Variants in HRC observed in about 807,000 individuals in gnomAD.
The protein encoded by HRC is sarcoplasmic reticulum histidine-rich calcium-binding protein.
A neutral mutation model predicts 61.4 loss-of-function variants in HRC; 41 were observed. That is an observed-to-expected ratio of 0.67 (90% CI 0.52 to 0.87). The LOEUF is 0.87. Ranked by LOEUF, HRC falls within the 40% of genes least tolerant of loss-of-function variation. The pLI, the probability that HRC is intolerant of heterozygous loss-of-function variation, is 0.00. For synonymous variants in HRC, 308 were observed against 326.6 expected (o/e 0.94, Z 0.62); for missense variants, 839 against 885.8 (o/e 0.95, Z 0.67).
At chr19:49,152,279 G>T in intron 3 of HRC, 31 bp downstream of exon 3, 1 of 1,592,340 alleles carries the variant, frequency 6.3e-7, no homozygotes, top group Non-Finnish European at 8.6e-7. Context: ...CTGAGGCCCA[G>T]TGGAGCCTTG....
Position 49,154,815 on chromosome 19 carries a change from G to T in HRC, c.423C>A (p.Asp141Glu). 1 of 1,613,106 alleles carries T rather than the reference G, an allele frequency of 6.2e-7. No individual in the cohort carries two copies. The highest frequency in any genetic ancestry group is 8.5e-7 in the Non-Finnish European group (1 of 1,179,730). Residue 141 changes from aspartate (D) to glutamate (E), a missense_variant, in exon 1 of 6, where the codon GAC becomes GAA. Physicochemically the swap from Asp to Glu is conservative, Grantham distance 45. Transcript: ENST00000252825. The stretch of plus-strand genomic sequence containing the variant: ...GCCTGTGCTCAGCTGAGTCTTCCGT[G>T]TCTTCACTCCCGTGGCCTCTGTGCC... ...ARGHRGHGSE[D>E]TEDSAEHRHH...
chr19:49,154,494 A>ATCG lies in HRC; in HGVS notation c.741_743dup (p.Asp261dup), dbSNP rs771935365. The ATCG allele has an allele frequency of 2.7e-6, 4 of 1,487,340 alleles. No individual in the cohort carries two copies. Among genetic ancestry groups the ATCG allele is most frequent in the Non-Finnish European group, 3.6e-6 (4 of 1,098,226 alleles). The allele number at this position is 1,487,340 out of a possible 1,614,324, so 92.1% of individuals were successfully genotyped here. A position where few individuals can be genotyped will look rare whatever the true frequency, so the allele number is the denominator to read the frequency against. ...CATCATCATCATCATCATCATCATC[A>ATCG]TCGTCATCTTCTTCATGGCCTTGGT... On this transcript the variant is annotated inframe_insertion, in exon 1 of 6. Transcript: ENST00000252825.
chr19:49,153,434 T>G lies in HRC; in HGVS notation c.1804A>C (p.Ser602Arg), dbSNP rs766002982. 1 of 1,608,518 alleles carries G rather than the reference T, an allele frequency of 6.2e-7. No individual in the cohort carries two copies. The highest frequency in any genetic ancestry group is 1.1e-5 in the South Asian group (1 of 90,594). The stretch of plus-strand genomic sequence containing the variant: ...GTGTCCTCACCGCTTTCCTCCTCGC[T>G]GGAGGCACCTCCAGCCTCCTCTCTC... ...DRREEAGGAS[S>R]EEESGEDTGP... Residue 602 changes from serine (S) to arginine (R), a missense_variant, in exon 1 of 6, where the codon AGC becomes CGC. Ser to Arg is a moderately radical substitution (Grantham distance 110, BLOSUM62 -1). Coordinates refer to ENST00000252825, the MANE Select transcript of HRC (RefSeq NM_002152.3). The surrounding 1 kb of genome is among the most constrained non-coding windows in gnomAD (Gnocchi z 4.8).
rs766186585 is a variant in HRC, at chr19:49,151,265, G to A, written c.*31C>T. On this transcript the variant is annotated 3_prime_UTR_variant, in exon 6 of 6. Coordinates refer to ENST00000252825, the MANE Select transcript of HRC (RefSeq NM_002152.3). ...GGAAAGGGGTTGGAAGGCAGGGGGA[G>A]GTACACCTGCGTCGCAGTCGAGCGA... 4 of 1,531,450 alleles carry A rather than the reference G, an allele frequency of 2.6e-6. No homozygotes were observed. Among genetic ancestry groups the A allele is most frequent in the Non-Finnish European group, 3.5e-6 (4 of 1,132,712 alleles). 94.9% of individuals were successfully genotyped at this position (1,531,450 alleles called of 1,614,324 possible). A position where few individuals can be genotyped will look rare whatever the true frequency, so the allele number is the denominator to read the frequency against.
At chr19:49,151,698 CT>C in intron 4 of HRC, 145 bp from the exon 5 acceptor site, 3 of 761,734 alleles carry the variant, frequency 3.9e-6, no homozygotes, top group South Asian at 1.8e-5. Context: ...TACCGGACCC[CT>C]TTTTCGTTCT....
At chr19:49,152,486 T>G (rs2041371274) in intron 2 of HRC, 108 bp from the exon 3 acceptor site, 4 of 808,916 alleles carry the variant, frequency 4.9e-6, no homozygotes, top group Non-Finnish European at 7.9e-6. Context: ...TCTACCCTCT[T>G]TATCTCTAAC....
chr19:49,154,649 C>T lies in HRC; in HGVS notation c.589G>A (p.Glu197Lys). ...GEDDEGEEEE[E>K]EEEEEEEAST... ...GCCTCCTCTTCCTCCTCCTCCTCCT[C>T]CTCCTCCTCTTCTCCTTCATCATCT... Residue 197 changes from glutamate to lysine, a missense_variant, in exon 1 of 6, where the codon GAG becomes AAG. By Grantham distance (56) the Glu-to-Lys change is moderately conservative. Coordinates refer to ENST00000252825, the MANE Select transcript of HRC (RefSeq NM_002152.3). The T allele has an allele frequency of 6.2e-7, 1 of 1,604,356 alleles. No homozygotes were observed. Among genetic ancestry groups the T allele is most frequent in the African/African-American group, 1.3e-5 (1 of 74,880 alleles).
chr19:49,154,878 A>T lies in HRC; in HGVS notation c.360T>A (p.Gly120=), dbSNP rs146528509. 4.3e-6 allele frequency: 7 copies of T among 1,613,456 alleles called. No individual in the cohort carries two copies. In the African/African-American group the frequency reaches 8.0e-5, roughly 18 times the overall value. Residue 120 remains glycine, a synonymous_variant, in exon 1 of 6, where the codon GGT becomes GGA. Coordinates refer to ENST00000252825, the MANE Select transcript of HRC (RefSeq NM_002152.3). ...DHKVGDEGVS[G]EEVFAEHGGQ... ...CACCATGCTCTGCAAAGACCTCCTC[A>T]CCTGAGACACCCTCATCTCCGACTT...
chr19:49,151,877 C>T (rs1362020109), intron 4 of HRC, 127 bp downstream of exon 4: 27 of 930,538 alleles, frequency 2.9e-5, no homozygotes, highest in Non-Finnish European at 4.6e-5. Flanking sequence ...TGCTCAGAGC[C>T]TTGGCCACGC....
intron 3 of HRC, 50 bp downstream of exon 3, chr19:49,152,260 C>T (rs1433658845): frequency 3.3e-6 from 5 of 1,533,620 alleles, no homozygotes; most frequent in African/African-American, 1.4e-5. Flanking sequence ...CAGAGGGTCC[C>T]GGTGCATCCT....
chr19:49,154,938 C>A lies in HRC; in HGVS notation c.300G>T (p.Gly100=), dbSNP rs771828053. Residue 100 remains glycine (G), a synonymous_variant, in exon 1 of 6, where the codon GGG becomes GGT. Coordinates refer to ENST00000252825, the MANE Select transcript of HRC (RefSeq NM_002152.3). ...GGGACCTGTGGCCTGGGAGTAGGTGCCCATATTCCTTGGAGACATCTTCAT... is the reference window on the plus strand; with the variant it reads ...GGGACCTGTGGCCTGGGAGTAGGTGACCATATTCCTTGGAGACATCTTCAT... ...KEDEDVSKEY[G]HLLPGHRSQD... 6.2e-7 allele frequency: 1 copy of A among 1,614,026 alleles called. No individual in the cohort carries two copies.
chr19:49,152,184 T>A, intron 3 of HRC, 126 bp from the exon 4 acceptor site: 1 of 1,264,024 alleles, frequency 7.9e-7, no homozygotes, highest in Non-Finnish European at 1.2e-6. Context: ...GGATCGCTTG[T>A]GGAGTCAAGG....
At chr19:49,152,412 T>A in intron 2 of HRC, 34 bp from the exon 3 acceptor site, 1 of 1,596,026 alleles carries the variant, frequency 6.3e-7, no homozygotes, top group Non-Finnish European at 8.6e-7. Flanking sequence ...AGATGGAAAC[T>A]CTAACGCCAC....
chr19:49,153,683 C>G lies in HRC; in HGVS notation c.1555G>C (p.Glu519Gln), dbSNP rs1468149894. 6.2e-7 allele frequency: 1 copy of G among 1,612,298 alleles called. No individual in the cohort carries two copies. Among genetic ancestry groups the G allele is most frequent in the Non-Finnish European group, 8.5e-7 (1 of 1,178,838 alleles). The change falls in exon 1 of 6, where the codon GAG becomes CAG. Residue 519 changes from glutamate (E) to glutamine (Q), a missense_variant. Transcript: ENST00000252825. This position sits in a 1 kb window ranked among gnomAD's most constrained non-coding sequence, Gnocchi z 4.8. ...THHGSRDQED[E>Q]EDEEEGHGLS... The stretch of plus-strand genomic sequence containing the variant: ...CCATGACCTTCCTCCTCATCCTCCT[C>G]ATCTTCCTGGTCCCGGCTGCCATGA...
chr19:49,153,724 C>T lies in HRC; in HGVS notation c.1514G>A (p.Gly505Glu). 6.2e-7 allele frequency: 1 copy of T among 1,614,142 alleles called. No individual in the cohort carries two copies. The highest frequency in any genetic ancestry group is 8.5e-7 in the Non-Finnish European group (1 of 1,180,026). The change falls in exon 1 of 6, where the codon GGA (glycine) becomes GAA (glutamate). Residue 505 changes from glycine to glutamate, a missense_variant. Gly to Glu is a moderately conservative substitution (Grantham distance 98). Coordinates refer to ENST00000252825, the MANE Select transcript of HRC (RefSeq NM_002152.3). This position sits in a 1 kb window ranked among gnomAD's most constrained non-coding sequence, Gnocchi z 4.8. The stretch of plus-strand genomic sequence containing the variant: ...GCTGCCATGATGGGTGCCTTTCTCT[C>T]CCTGCTCTGAACTTTCATCGTCTTC... ...HEEDDESSEQGEKGTHHGSRD... is the reference protein window; with the variant it reads ...HEEDDESSEQEEKGTHHGSRD...
rs1392857704 is a variant in HRC, at chr19:49,155,355, C to T, written c.-118G>A. On this transcript the variant is annotated 5_prime_UTR_variant, in exon 1 of 6. Coordinates refer to ENST00000252825, the MANE Select transcript of HRC (RefSeq NM_002152.3). The surrounding 1 kb of genome is among the most constrained non-coding windows in gnomAD (Gnocchi z 4.7). ...TCTCTGTGTCTCTCCTTTGTCCTTTCGGTCTCTGTCCACCTTCCTCTGGTC... is the reference window on the plus strand; with the variant it reads ...TCTCTGTGTCTCTCCTTTGTCCTTTTGGTCTCTGTCCACCTTCCTCTGGTC... 24 of 1,363,918 alleles carry T rather than the reference C, an allele frequency of 1.8e-5. No individual in the cohort carries two copies. Among genetic ancestry groups the T allele is most frequent in the South Asian group, 9.2e-5 (6 of 64,868 alleles). 84.5% of individuals were successfully genotyped at this position (1,363,918 alleles called of 1,614,324 possible).
At chr19:49,152,117 G>T (rs1009786305) in intron 3 of HRC, 59 bp from the exon 4 acceptor site, 2 of 1,504,452 alleles carry the variant, frequency 1.3e-6, no homozygotes, top group African/African-American at 1.4e-5. Context: ...GCGGAGTTAG[G>T]ATGGGGCCGG....
At chr19:49,152,490 C>T (rs1017186955) in intron 2 of HRC, 112 bp from the exon 3 acceptor site, 37 of 757,498 alleles carry the variant, frequency 4.9e-5, no homozygotes, top group African/African-American at 7.0e-5. Context: ...CCCTCTTTAT[C>T]TCTAACACTG....
At position 49,154,862 on chromosome 19, in the gene HRC, C is replaced by T. The variant is rs374745031; in HGVS notation, c.376G>A (p.Glu126Lys). Reference protein sequence around the residue: ...EGVSGEEVFAEHGGQARGHRG... With the variant: ...EGVSGEEVFAKHGGQARGHRG... Reference sequence around the variant, plus strand: ...TGCCCACGGGCCTGCCCACCATGCTCTGCAAAGACCTCCTCACCTGAGACA... The same window carrying T: ...TGCCCACGGGCCTGCCCACCATGCTTTGCAAAGACCTCCTCACCTGAGACA... The change falls in exon 1 of 6, where the codon GAG (glutamate) becomes AAG (lysine). Residue 126 changes from glutamate to lysine, a missense_variant. Physicochemically the swap from Glu to Lys is moderately conservative, Grantham distance 56 (BLOSUM62 1). Coordinates refer to ENST00000252825, the MANE Select transcript of HRC (RefSeq NM_002152.3). The T allele has an allele frequency of 2.4e-5, 39 of 1,614,052 alleles. 1 individual carries two copies. The Middle Eastern group carries it at 2.1e-3, about 88-fold the overall frequency.
Sources: allele counts gnomAD v4.1 joint callset, GRCh38; gene constraint gnomAD v4.1.1; non-coding constraint Gnocchi (gnomAD v3.1); transcripts MANE v1.5; gene names NCBI Gene and HGNC (gene_info 2026-07-23, HGNC 2026-07-21).